The following GUCY1A2 variants were observed in gnomAD, a reference collection of about 807,000 sequenced individuals.
GUCY1A2 encodes guanylate cyclase 1 soluble subunit alpha 2.
GUCY1A2 carries 27 observed loss-of-function variants against 63.5 expected under a neutral mutation model. The ratio of observed to expected loss-of-function variants is 0.43; its 90% CI spans 0.31 to 0.59. The LOEUF is 0.59. Ranked by LOEUF, GUCY1A2 falls within the 20% of genes least tolerant of loss-of-function variation. The pLI, the probability that GUCY1A2 is intolerant of heterozygous loss-of-function variation, is 0.11. For missense variants in GUCY1A2, 768 were observed against 913.3 expected, an observed-to-expected ratio of 0.84 and a Z score of 2.05; for synonymous variants, 364 against 343.5, an observed-to-expected ratio of 1.06 and a Z score of -0.66.
At chr11:106,793,594 A>G (rs868372939) in intron 5 of GUCY1A2, among the ~76,000 whole-genome samples, 6 of 152,160 alleles carry the variant, frequency 3.9e-5, no homozygotes, top group Admixed American at 3.3e-4. Context: ...ATATTTGCAA[A>G]TCACAGGTCT....
chr11:106,703,463 G>T (rs1565262457), intron 7 of GUCY1A2, among the ~76,000 whole-genome samples: 2 of 152,168 alleles, frequency 1.3e-5, no homozygotes, highest in African/African-American at 4.8e-5. Flanking sequence ...GGGAGGAAGA[G>T]TCAGTAAAAG....
chr11:106,822,832 T>C (rs1858920675), intron 4 of GUCY1A2, among the ~76,000 whole-genome samples: 1 of 152,178 alleles, frequency 6.6e-6, no homozygotes, highest in Non-Finnish European at 1.5e-5. Flanking sequence ...AAAAAAGACA[T>C]TTGAATATCA....
chr11:106,860,695 T>C (rs150501589), intron 4 of GUCY1A2, among the ~76,000 whole-genome samples: 2 of 152,138 alleles, frequency 1.3e-5, no homozygotes, highest in African/African-American at 2.4e-5. Context: ...TTTCTATACA[T>C]ACTTGGCTGA....
chr11:106,821,325 CACAA>C (rs1214146401), intron 4 of GUCY1A2, among the ~76,000 whole-genome samples: 2 of 152,140 alleles, frequency 1.3e-5, no homozygotes, highest in African/African-American at 4.8e-5. Flanking sequence ...TAATACCTTA[CACAA>C]ACAAACTGCC....
chr11:106,993,528 A>C (rs1488536971), intron 1 of GUCY1A2, among the ~76,000 whole-genome samples: 1 of 135,532 alleles, frequency 7.4e-6, no homozygotes, highest in Non-Finnish European at 1.7e-5. Context: ...ATAAGCCAAA[A>C]AATAAAAAAT....
At chr11:106,841,857 T>C (rs1184895297) in intron 4 of GUCY1A2, among the ~76,000 whole-genome samples, 2 of 151,946 alleles carry the variant, frequency 1.3e-5, no homozygotes, top group Non-Finnish European at 2.9e-5. Context: ...ATTAGAATTT[T>C]ACTTTACTAC....
intron 3 of GUCY1A2, among the ~76,000 whole-genome samples, chr11:106,952,903 G>C (rs920032234): frequency 2.1e-4 from 32 of 152,214 alleles, no homozygotes; most frequent in African/African-American, 7.7e-4. Flanking sequence ...GCCTCCCAAA[G>C]TGCTGGGATT....
intron 7 of GUCY1A2, among the ~76,000 whole-genome samples, chr11:106,691,192 C>G (rs547684404): frequency 3.3e-5 from 5 of 151,780 alleles, no homozygotes; most frequent in Admixed American, 6.6e-5. Context: ...TGAATGGAGA[C>G]GAGTAAGTGG....
chr11:106,959,840 A>G (rs944278989), intron 3 of GUCY1A2, among the ~76,000 whole-genome samples: 3 of 152,178 alleles, frequency 2.0e-5, no homozygotes, highest in Non-Finnish European at 2.9e-5. Context: ...TGTACTTACT[A>G]CCTTTCATGA....
intron 4 of GUCY1A2, among the ~76,000 whole-genome samples, chr11:106,845,408 T>C (rs1263376573): frequency 6.6e-6 from 1 of 151,568 alleles, no homozygotes; most frequent in Non-Finnish European, 1.5e-5. Context: ...ACTGTTTACA[T>C]GAAGGAAAGG....
chr11:106,957,316 C>G (rs1274165685), intron 3 of GUCY1A2, among the ~76,000 whole-genome samples: 10 of 151,900 alleles, frequency 6.6e-5, no homozygotes, highest in Non-Finnish European at 4.4e-5. Context: ...CTTCTTCCCC[C>G]CTCCCCACCA....
At chr11:106,964,827 A>C (rs892559567) in intron 3 of GUCY1A2, among the ~76,000 whole-genome samples, 8 of 151,998 alleles carry the variant, frequency 5.3e-5, no homozygotes, top group Non-Finnish European at 1.2e-4. Flanking sequence ...AAAATACGAA[A>C]AAATTAGCTG....
chr11:106,771,546 A>C (rs1396639993), intron 6 of GUCY1A2, among the ~76,000 whole-genome samples: 2 of 152,130 alleles, frequency 1.3e-5, no homozygotes, highest in African/African-American at 4.8e-5. Context: ...CCAGGAGTTC[A>C]CGACCAGCTT....
Position 106,674,566 on chromosome 11 carries a change from C to CA in GUCY1A2, c.*12982dup, listed in dbSNP as rs1170225786. 1.1e-5 allele frequency: 2 copies of CA among 181,478 alleles called. No homozygotes were observed. Among genetic ancestry groups the CA allele is most frequent in the East Asian group, 9.1e-5 (1 of 11,026 alleles). The allele number at this position is 181,478 out of a possible 1,614,324, so 11.2% of individuals were successfully genotyped here. ...AGATGCATTCATTTTTTTAAAAAAA[C>CA]AAAAAATAGTTTGACATTTCAAAAT... On this transcript the variant is annotated 3_prime_UTR_variant, in exon 8 of 8. Coordinates refer to ENST00000526355, the MANE Select transcript of GUCY1A2 (RefSeq NM_000855.3).
At chr11:106,975,412 A>C (rs2120108615) in intron 3 of GUCY1A2, among the ~76,000 whole-genome samples, 1 of 152,318 alleles carries the variant, frequency 6.6e-6, no homozygotes, top group East Asian at 1.9e-4. Context: ...GGGCTAGAAA[A>C]GATTTTCTAT....
chr11:106,972,644 C>A (rs895552943), intron 3 of GUCY1A2, among the ~76,000 whole-genome samples: 1 of 152,060 alleles, frequency 6.6e-6, no homozygotes, highest in Non-Finnish European at 1.5e-5. Context: ...GGGAAATAGT[C>A]TGTCACAAGA....
At chr11:106,997,495 G>A (rs572229256) in intron 1 of GUCY1A2, among the ~76,000 whole-genome samples, 1 of 152,110 alleles carries the variant, frequency 6.6e-6, no homozygotes, top group African/African-American at 2.4e-5. Context: ...CCTATGTTGT[G>A]TAAACTCATC....
chr11:106,815,253 T>A (rs188966966), intron 4 of GUCY1A2, among the ~76,000 whole-genome samples: 15 of 151,352 alleles, frequency 9.9e-5, no homozygotes, highest in African/African-American at 3.6e-4. Flanking sequence ...ACAGAGAAAA[T>A]AGGCTGAAAA....
chr11:106,675,264 G>A lies in GUCY1A2; in HGVS notation c.*12285C>T, dbSNP rs1862325792. 1 of 197,148 alleles carries A rather than the reference G, an allele frequency of 5.1e-6. No individual in the cohort carries two copies. Among genetic ancestry groups the A allele is most frequent in the South Asian group, 1.9e-4 (1 of 5,194 alleles). The allele number at this position is 197,148 out of a possible 1,614,324, so 12.2% of individuals were successfully genotyped here. On this transcript the variant is annotated 3_prime_UTR_variant, in exon 8 of 8. Transcript: ENST00000526355. ...TCTTTTTCGAAGGCAAAATTCTCAG[G>A]AGGACTTTTTTTTTTTTTTTTTAAA...
Sources: gnomAD v4.1 joint callset for allele counts (sites outside exome capture counted in the v4.1 genomes callset) on GRCh38, gnomAD v4.1.1 for gene constraint, MANE v1.5 for transcripts, NCBI Gene and HGNC (gene_info 2026-07-23, HGNC 2026-07-21) for gene names.